The following TENM3 variants were observed in gnomAD, a reference collection of about 807,000 sequenced individuals.
TENM3 encodes the protein teneurin transmembrane protein 3, also known as teneurin-3.
In TENM3, 63 loss-of-function variants were observed where a neutral mutation model predicts 255.1. That is an observed-to-expected ratio of 0.25 (90% CI 0.20 to 0.30). The LOEUF (loss-of-function observed/expected upper bound fraction) is 0.30, where lower values mean the gene tolerates loss of function less well. TENM3 is among the 10% of genes least tolerant of loss of function. TENM3 has a pLI of 1.00. For missense variants in TENM3, 2,929 were observed against 3,461.1 expected, an observed-to-expected ratio of 0.85 and a Z score of 3.86; for synonymous variants, 1,306 against 1,322.3, an observed-to-expected ratio of 0.99 and a Z score of 0.27.
At chr4:181,830,276 T>C in the TENM3 span, among the ~76,000 whole-genome samples, 2 of 152,062 alleles carry the variant, frequency 1.3e-5, no homozygotes, top group Non-Finnish European at 2.9e-5. Flanking sequence ...TTTTGTTTGT[T>C]TGTTTGTTTT....
chr4:181,995,369 A>G, the TENM3 span, among the ~76,000 whole-genome samples: 1 of 152,188 alleles, frequency 6.6e-6, no homozygotes, highest in African/African-American at 2.4e-5. Flanking sequence ...CAGTGAACAT[A>G]CACTCTAAGT....
chr4:181,587,770 C>T, the TENM3 span, among the ~76,000 whole-genome samples: 1 of 152,202 alleles, frequency 6.6e-6, no homozygotes, highest in East Asian at 1.9e-4. Flanking sequence ...TTCAACATAG[C>T]TTCCTAATCT....
At chr4:182,568,575 A>G (rs1419682175) in intron 3 of TENM3, among the ~76,000 whole-genome samples, 4 of 152,188 alleles carry the variant, frequency 2.6e-5, no homozygotes, top group Non-Finnish European at 5.9e-5. Flanking sequence ...GTATGGTACA[A>G]ACTCTTTGGA....
At chr4:181,584,975 A>C in the TENM3 span, among the ~76,000 whole-genome samples, 1 of 149,198 alleles carries the variant, frequency 6.7e-6, no homozygotes, top group Admixed American at 6.8e-5. Context: ...GAATTGAGGA[A>C]GCGATGCAAC....
intron 11 of TENM3, among the ~76,000 whole-genome samples, chr4:182,682,688 A>G (rs1200928374): frequency 6.6e-6 from 1 of 152,136 alleles, no homozygotes; most frequent in African/African-American, 2.4e-5. Context: ...ATACATGCAC[A>G]TACTCACATA....
At chr4:182,057,503 T>C in the TENM3 span, among the ~76,000 whole-genome samples, 3 of 151,462 alleles carry the variant, frequency 2.0e-5, no homozygotes, top group Non-Finnish European at 2.9e-5. Flanking sequence ...CTTGAATTCT[T>C]GGGCTCAAGC....
chr4:181,827,411 A>G, the TENM3 span, among the ~76,000 whole-genome samples: 1 of 152,234 alleles, frequency 6.6e-6, no homozygotes, highest in South Asian at 2.1e-4. Flanking sequence ...CAGTCGGCAG[A>G]GCCAGAAGCC....
chr4:181,770,101 C>A, the TENM3 span, among the ~76,000 whole-genome samples: 1 of 151,980 alleles, frequency 6.6e-6, no homozygotes, highest in Non-Finnish European at 1.5e-5. Flanking sequence ...CAGTTTGGGG[C>A]TGGGGGGTTA....
At position 182,679,661 on chromosome 4, in the gene TENM3, C is replaced by G. The variant is rs935160033; in HGVS notation, c.1327-5C>G. The G allele has an allele frequency of 3.1e-6, 5 of 1,610,472 alleles. No individual in the cohort carries two copies. In the Admixed American group the frequency reaches 5.0e-5, roughly 16 times the overall value. On this transcript the variant is annotated splice_polypyrimidine_tract_variant and splice_region_variant and intron_variant, in intron 7 of 27. Coordinates refer to ENST00000511685, the MANE Select transcript of TENM3 (RefSeq NM_001080477.4). The stretch of plus-strand genomic sequence containing the variant: ...TCTGACTATTTTTCCTCGTCCTCCC[C>G]CCAGTATGACTTCGTGGAGCTCCTG...
intron 3 of TENM3, among the ~76,000 whole-genome samples, chr4:182,462,192 C>T (rs1207243772): frequency 1.3e-5 from 2 of 151,898 alleles, no homozygotes; most frequent in African/African-American, 4.8e-5. Context: ...CCTCAGCCTC[C>T]AGTCTGGCCC....
chr4:182,032,376 G>A, the TENM3 span, among the ~76,000 whole-genome samples: 2 of 152,058 alleles, frequency 1.3e-5, no homozygotes, highest in Non-Finnish European at 1.5e-5. Context: ...TATGTTGAAC[G>A]ATCCTTTCAT....
chr4:181,519,003 G>A, the TENM3 span, among the ~76,000 whole-genome samples: 13 of 152,194 alleles, frequency 8.5e-5, no homozygotes, highest in South Asian at 2.3e-3. Context: ...AAAAGAGTTC[G>A]TTTTTCACTA....
chr4:181,897,856 TTTC>T, the TENM3 span, among the ~76,000 whole-genome samples: 2 of 152,198 alleles, frequency 1.3e-5, no homozygotes, highest in Non-Finnish European at 2.9e-5. Flanking sequence ...TTCCCCTTCT[TTTC>T]TTTTCTTATT....
chr4:182,494,741 ATATAT>A (rs1248032638), intron 3 of TENM3, among the ~76,000 whole-genome samples: 5 of 152,136 alleles, frequency 3.3e-5, no homozygotes, highest in East Asian at 1.9e-4. Context: ...CCCTGATTGA[ATATAT>A]TATATTTGTG....
intron 3 of TENM3, among the ~76,000 whole-genome samples, chr4:182,359,633 G>T: frequency 7.1e-6 from 1 of 140,198 alleles, no homozygotes; most frequent in Admixed American, 7.6e-5. Flanking sequence ...AGTCTTGCTA[G>T]CAGTCTATCA....
chr4:182,672,218 A>G (rs1755279565), intron 6 of TENM3, among the ~76,000 whole-genome samples: 1 of 152,222 alleles, frequency 6.6e-6, no homozygotes. Context: ...GAAGGAGGCC[A>G]TGCAGGAAGA....
At chr4:181,562,112 A>T in the TENM3 span, among the ~76,000 whole-genome samples, 16,536 of 152,168 alleles carry the variant, frequency 0.11, 979 homozygotes, top group Middle Eastern at 0.17. Flanking sequence ...TTTGTCTATC[A>T]TATATTTCAA....
the TENM3 span, among the ~76,000 whole-genome samples, chr4:182,115,715 A>AGCT: frequency 2.0e-5 from 3 of 152,092 alleles, no homozygotes; most frequent in Non-Finnish European, 4.4e-5. Flanking sequence ...CTTGGCAGCA[A>AGCT]TGGTTTTAGC....
intron 3 of TENM3, among the ~76,000 whole-genome samples, chr4:182,561,706 A>G (rs181208817): frequency 2.4e-3 from 370 of 152,226 alleles, no homozygotes; most frequent in Non-Finnish European, 4.4e-3. Flanking sequence ...GTAGAATTCT[A>G]TAGAATAGTT....
Sources: allele counts gnomAD v4.1 joint callset (sites outside exome capture counted in the v4.1 genomes callset), GRCh38; gene constraint gnomAD v4.1.1; transcripts MANE v1.5; gene names NCBI Gene and HGNC (gene_info 2026-07-23, HGNC 2026-07-21).